Variants in KIAA0513 observed in about 807,000 individuals in gnomAD.
The protein encoded by KIAA0513 is uncharacterized protein KIAA0513.
KIAA0513 carries 39 observed loss-of-function variants against 56.5 expected under a neutral mutation model. The observed-to-expected ratio is 0.69, with a 90% CI of 0.53 to 0.90. The LOEUF (loss-of-function observed/expected upper bound fraction) is 0.90. KIAA0513 is among the 40% of genes least tolerant of loss of function. KIAA0513 has a pLI of 0.00. For missense variants in KIAA0513, 591 were observed against 535.2 expected (o/e 1.10, Z -1.03); for synonymous variants, 268 against 215.6 (o/e 1.24, Z -2.13).
intron 1 of KIAA0513, among the ~76,000 whole-genome samples, chr16:85,064,005 C>CT (rs11403480): frequency 0.18 from 22,813 of 124,784 alleles, 3,334 homozygotes; most frequent in East Asian, 0.49. Flanking sequence ...TATTTATTTA[C>CT]TTTTTTTTTT....
intron 1 of KIAA0513, among the ~76,000 whole-genome samples, chr16:85,056,552 C>G (rs1002413788): frequency 2.0e-5 from 3 of 152,228 alleles, no homozygotes; most frequent in African/African-American, 4.8e-5. Flanking sequence ...CCCACCCAGC[C>G]TTCCAAGACA....
chr16:85,087,308 C>T, intron 12 of KIAA0513, 142 bp downstream of exon 12: 1 of 675,824 alleles, frequency 1.5e-6, no homozygotes. Flanking sequence ...GGCAGACGGC[C>T]CCTCCTTTCT....
At chr16:85,050,352 TTTA>T (rs763237474) in intron 1 of KIAA0513, among the ~76,000 whole-genome samples, 4 of 84,586 alleles carry the variant, frequency 4.7e-5, no homozygotes, top group Admixed American at 9.9e-5. Context: ...TATTTATTTA[TTTA>T]TTTATTTTTT....
chr16:85,043,302 C>G (rs996442611), intron 1 of KIAA0513, among the ~76,000 whole-genome samples: 4 of 151,970 alleles, frequency 2.6e-5, no homozygotes, highest in African/African-American at 9.7e-5. Flanking sequence ...TACCTGCGCA[C>G]TGAAACAACC....
At chr16:85,056,840 A>G (rs957539196) in intron 1 of KIAA0513, among the ~76,000 whole-genome samples, 1 of 151,972 alleles carries the variant, frequency 6.6e-6, no homozygotes, top group Non-Finnish European at 1.5e-5. Flanking sequence ...GCTGGGTACT[A>G]TAGGTGCATG....
intron 12 of KIAA0513, 29 bp downstream of exon 12, chr16:85,087,195 G>T: frequency 1.3e-6 from 2 of 1,578,888 alleles, no homozygotes; most frequent in Non-Finnish European, 1.7e-6. Context: ...GCTGGCAGGA[G>T]GCGGGCAGGG....
At chr16:85,054,241 T>A (rs1370177391) in intron 1 of KIAA0513, among the ~76,000 whole-genome samples, 2 of 152,178 alleles carry the variant, frequency 1.3e-5, no homozygotes, top group East Asian at 1.9e-4. Context: ...ATTGAAAGAA[T>A]GTCTTTTAGA....
intron 10 of KIAA0513, 151 bp from the exon 11 acceptor site, chr16:85,086,493 C>A: frequency 1.4e-6 from 1 of 724,736 alleles, no homozygotes; most frequent in Non-Finnish European, 2.4e-6. Flanking sequence ...GAAGGCCCAG[C>A]ACACGGCTCT....
chr16:85,073,141 G>GC (rs1266902466), intron 4 of KIAA0513, 143 bp downstream of exon 4: 2 of 736,520 alleles, frequency 2.7e-6, no homozygotes, highest in African/African-American at 3.4e-5. Flanking sequence ...GCTACGCCCA[G>GC]CATTCAGCTA....
intron 8 of KIAA0513, among the ~76,000 whole-genome samples, chr16:85,080,760 TC>T (rs2073731734): frequency 6.6e-6 from 1 of 152,124 alleles, no homozygotes; most frequent in African/African-American, 2.4e-5. Context: ...GCCATTGAAC[TC>T]CAGCCTAGGC....
At chr16:85,064,949 T>G (rs538793697) in intron 1 of KIAA0513, among the ~76,000 whole-genome samples, 1 of 152,328 alleles carries the variant, frequency 6.6e-6, no homozygotes, top group African/African-American at 2.4e-5. Context: ...CCTCCCAAAG[T>G]GCTGGGATAA....
At chr16:85,083,694 C>G (rs2073774918) in intron 10 of KIAA0513, among the ~76,000 whole-genome samples, 1 of 152,188 alleles carries the variant, frequency 6.6e-6, no homozygotes. Flanking sequence ...TTCGCTTTGA[C>G]CACCCATAGC....
chr16:85,087,451 G>A (rs999802797), intron 12 of KIAA0513, among the ~76,000 whole-genome samples: 6 of 152,220 alleles, frequency 3.9e-5, no homozygotes, highest in African/African-American at 1.2e-4. Context: ...AGGGGGACGC[G>A]GCACTGGGAC....
intron 1 of KIAA0513, among the ~76,000 whole-genome samples, chr16:85,050,054 A>G (rs566445848): frequency 7.2e-5 from 11 of 152,206 alleles, no homozygotes; most frequent in African/African-American, 2.4e-4. Context: ...GGCGCGCCTT[A>G]TGGCGGGTTC....
At position 85,078,905 on chromosome 16, in the gene KIAA0513, C is replaced by T. The variant is rs367846634; in HGVS notation, c.824-20C>T. The T allele has an allele frequency of 8.7e-6, 14 of 1,613,898 alleles. No homozygotes were observed. The highest frequency in any genetic ancestry group is 2.7e-5 in the African/African-American group (2 of 74,898). Reference sequence around the variant, plus strand: ...GTGCGCAACCAGAGCTGCTTTCAGCCATTCTCTCTCCTCCCACAGTGACCG... The same window carrying T: ...GTGCGCAACCAGAGCTGCTTTCAGCTATTCTCTCTCCTCCCACAGTGACCG... On this transcript the variant is annotated intron_variant, in intron 7 of 12. Coordinates refer to ENST00000683363, the MANE Select transcript of KIAA0513 (RefSeq NM_001388359.1).
intron 2 of KIAA0513, among the ~76,000 whole-genome samples, chr16:85,071,223 T>G (rs1372100106): frequency 6.6e-6 from 1 of 152,060 alleles, no homozygotes; most frequent in Non-Finnish European, 1.5e-5. Context: ...CAGCAGGGGA[T>G]GGCCTGAACC....
At chr16:85,047,519 T>G (rs1597600746) in intron 1 of KIAA0513, among the ~76,000 whole-genome samples, 1 of 152,132 alleles carries the variant, frequency 6.6e-6, no homozygotes, top group South Asian at 2.1e-4. Context: ...GCCAGCGGGT[T>G]TTTCACCCTC....
intron 3 of KIAA0513, among the ~76,000 whole-genome samples, chr16:85,072,204 TAAA>T (rs1318431199): frequency 6.6e-6 from 1 of 151,966 alleles, no homozygotes; most frequent in African/African-American, 2.4e-5. Context: ...CTCTAAAAAT[TAAA>T]AAAGAATAGT....
intron 4 of KIAA0513, among the ~76,000 whole-genome samples, chr16:85,074,263 C>G (rs954602379): frequency 6.6e-6 from 1 of 151,826 alleles, no homozygotes; most frequent in Admixed American, 6.6e-5. Flanking sequence ...GAGTGAGCCA[C>G]CACACCTGGC....
Sources: gnomAD v4.1 joint callset for allele counts (sites outside exome capture counted in the v4.1 genomes callset) on GRCh38, gnomAD v4.1.1 for gene constraint, MANE v1.5 for transcripts, NCBI Gene and HGNC (gene_info 2026-07-23, HGNC 2026-07-21) for gene names.